The following PDCD11 variants were observed in gnomAD, a reference collection of about 807,000 sequenced individuals.
PDCD11 encodes protein RRP5 homolog.
PDCD11 carries 97 observed loss-of-function variants against 198.9 expected under a neutral mutation model. The observed-to-expected ratio is 0.49, with a 90% CI of 0.41 to 0.58. The LOEUF is 0.58. Among genes scored for constraint, PDCD11 ranks in the 20% least tolerant of loss-of-function variants. The pLI is 0.00. For synonymous variants in PDCD11, 893 were observed against 918.0 expected, an observed-to-expected ratio of 0.97 and a Z score of 0.49; for missense variants, 2,102 against 2,312.7, an observed-to-expected ratio of 0.91 and a Z score of 1.87.
intron 22 of PDCD11, among the ~76,000 whole-genome samples, chr10:103,433,705 C>T (rs776231090): frequency 7.9e-5 from 12 of 152,298 alleles, no homozygotes; most frequent in Non-Finnish European, 1.3e-4. Flanking sequence ...CTTTTGCCTC[C>T]TGGTCAGCTG....
At chr10:103,417,057 A>G (rs1389803603) in intron 13 of PDCD11, among the ~76,000 whole-genome samples, 1 of 152,214 alleles carries the variant, frequency 6.6e-6, no homozygotes, top group Admixed American at 6.5e-5. Flanking sequence ...CAGTGCTGTA[A>G]AACTAGTAAG....
At chr10:103,437,816 A>G (rs983151960) in intron 25 of PDCD11, among the ~76,000 whole-genome samples, 199 bp from the exon 26 acceptor site, 5 of 152,172 alleles carry the variant, frequency 3.3e-5, no homozygotes, top group African/African-American at 1.2e-4. Flanking sequence ...TTAATAGACT[A>G]GTAAACTGAA....
chr10:103,401,399 A>T (rs2030042322), intron 3 of PDCD11, among the ~76,000 whole-genome samples: 3 of 151,876 alleles, frequency 2.0e-5, no homozygotes, highest in Admixed American at 6.6e-5. Context: ...CAGCCTCCTG[A>T]GTAGCTGGGA....
intron 19 of PDCD11, among the ~76,000 whole-genome samples, chr10:103,424,017 C>T (rs75041068): frequency 8.7e-4 from 132 of 152,222 alleles, no homozygotes; most frequent in African/African-American, 2.7e-3. Flanking sequence ...CAATTGTTGC[C>T]GGGTGGGAAT....
chr10:103,398,855 C>G (rs751781458), intron 2 of PDCD11, among the ~76,000 whole-genome samples: 15 of 152,176 alleles, frequency 9.9e-5, no homozygotes, highest in Middle Eastern at 3.4e-3. Context: ...CCCGTCTATA[C>G]TAATACCAAA....
chr10:103,425,110 C>G lies in PDCD11; in HGVS notation c.2890C>G (p.Arg964Gly). 6.2e-7 allele frequency: 1 copy of G among 1,614,202 alleles called. No homozygotes were observed. The highest frequency in any genetic ancestry group is 8.5e-7 in the Non-Finnish European group (1 of 1,180,040). The change falls in exon 20 of 36, where the codon CGC becomes GGC. Residue 964 changes from arginine to glycine, a missense_variant. Transcript: ENST00000369797. ...SLTSHLNDTF[R>G]FDSEKLQVGQ... ...GACCTCTCACCTCAACGACACCTTCCGCTTTGACTCAGAGAAATTGCAGGT... is the reference window on the plus strand; with the variant it reads ...GACCTCTCACCTCAACGACACCTTCGGCTTTGACTCAGAGAAATTGCAGGT...
intron 25 of PDCD11, among the ~76,000 whole-genome samples, chr10:103,436,576 C>T (rs1040269056): frequency 1.3e-5 from 2 of 152,196 alleles, no homozygotes; most frequent in Admixed American, 6.5e-5. Flanking sequence ...CTCAACCACT[C>T]ACAACCACTG....
At chr10:103,435,437 G>GT (rs1033396123) in intron 25 of PDCD11, among the ~76,000 whole-genome samples, 47 of 150,550 alleles carry the variant, frequency 3.1e-4, no homozygotes, top group African/African-American at 1.0e-3. Context: ...TGGGTTTTTT[G>GT]TTTTTTTTTA....
intron 10 of PDCD11, 49 bp from the exon 11 acceptor site, chr10:103,414,221 G>A (rs2030973219): frequency 6.3e-7 from 1 of 1,589,444 alleles, no homozygotes; most frequent in South Asian, 1.1e-5. Flanking sequence ...TGAATTTTAG[G>A]CAACCTCTGC....
intron 21 of PDCD11, among the ~76,000 whole-genome samples, chr10:103,430,261 G>A (rs2031872724): frequency 6.6e-6 from 1 of 152,210 alleles, no homozygotes; most frequent in African/African-American, 2.4e-5. Flanking sequence ...CCAAAGTGCT[G>A]AGATTATAGG....
intron 3 of PDCD11, 149 bp from the exon 4 acceptor site, chr10:103,402,969 C>T (rs2030204935): frequency 8.5e-6 from 6 of 708,364 alleles, no homozygotes; most frequent in Non-Finnish European, 1.4e-5. Flanking sequence ...AGTCCTCCTG[C>T]CTTGGCCACC....
chr10:103,441,925 C>G lies in PDCD11; in HGVS notation c.4657C>G (p.Leu1553Val), dbSNP rs780865153. 1 of 1,614,258 alleles carries G rather than the reference C, an allele frequency of 6.2e-7. No homozygotes were observed. Among genetic ancestry groups the G allele is most frequent in the East Asian group, 2.2e-5 (1 of 44,886 alleles). The change falls in exon 31 of 36, where the codon CTA (leucine) becomes GTA (valine). Residue 1553 changes from leucine (L) to valine (V), a missense_variant. Leu to Val is a conservative substitution (Grantham distance 32, BLOSUM62 1). Transcript: ENST00000369797. Reference protein sequence around the residue: ...LDSLTPALPPLAESSDSEEDE... With the variant: ...LDSLTPALPPVAESSDSEEDE... ...CTCTCTGACCCCGGCCTTGCCACCT[C>G]TAGCAGAGAGCTCAGACAGCGAGGA...
Position 103,442,365 on chromosome 10 carries a change from T to C in PDCD11, c.4860T>C (p.Ile1620=), listed in dbSNP as rs2032422799. The change falls in exon 32 of 36, where the codon ATT becomes ATC. Residue 1620 remains isoleucine, a synonymous_variant. Transcript: ENST00000369797. The part of the protein sequence containing the change: ...RLVLSSPNSS[I]LWLQYMAFHL... ...TGCTGAGCTCCCCCAACAGCTCCATTCTGTGGCTGCAGTACATGGCTTTCC... is the reference window on the plus strand; with the variant it reads ...TGCTGAGCTCCCCCAACAGCTCCATCCTGTGGCTGCAGTACATGGCTTTCC... 2 of 1,614,214 alleles carry C rather than the reference T, an allele frequency of 1.2e-6. No homozygotes were observed. The highest frequency in any genetic ancestry group is 1.3e-5 in the African/African-American group (1 of 75,044).
intron 30 of PDCD11, among the ~76,000 whole-genome samples, chr10:103,441,548 C>A (rs906347771): frequency 2.0e-5 from 3 of 152,204 alleles, no homozygotes; most frequent in Admixed American, 2.0e-4. Flanking sequence ...AGCCACCACA[C>A]CTGGCTTCTA....
chr10:103,409,634 C>A, intron 7 of PDCD11, 65 bp from the exon 8 acceptor site: 2 of 1,046,898 alleles, frequency 1.9e-6, no homozygotes, highest in Non-Finnish European at 1.5e-6. Flanking sequence ...TTACTGTGAG[C>A]AATGTCTCAC....
chr10:103,416,396 G>T (rs1564763564), intron 12 of PDCD11, 95 bp from the exon 13 acceptor site: 6 of 1,281,516 alleles, frequency 4.7e-6, no homozygotes, highest in Non-Finnish European at 6.6e-6. Context: ...TTGGGGAATG[G>T]CCCCGTGGCT....
chr10:103,417,398 C>T (rs2031170072), intron 13 of PDCD11, among the ~76,000 whole-genome samples: 1 of 152,150 alleles, frequency 6.6e-6, no homozygotes, highest in Non-Finnish European at 1.5e-5. Flanking sequence ...TCTCGAACTC[C>T]CTGGCTTCAA....
chr10:103,404,981 A>G, intron 4 of PDCD11, 41 bp from the exon 5 acceptor site: 1 of 1,594,156 alleles, frequency 6.3e-7, no homozygotes, highest in South Asian at 1.1e-5. Context: ...TTGGTTCAGG[A>G]GAAGGGTGTA....
rs1201322752 is a variant in PDCD11 at position 103,444,586 on chromosome 10, T to C, written c.5348T>C (p.Ile1783Thr). Residue 1783 changes from isoleucine (I) to threonine (T), a missense_variant, in exon 35 of 36, where the codon ATT (isoleucine) becomes ACT (threonine). Coordinates refer to ENST00000369797, the MANE Select transcript of PDCD11 (RefSeq NM_014976.2). ...QLGDAERAKA[I>T]FENTLSTYPK... ...GGGGATGCAGAGCGGGCCAAAGCCA[T>C]TTTTGAGAACACGCTGAGCACCTAC... 6 of 1,614,044 alleles carry C rather than the reference T, an allele frequency of 3.7e-6. No homozygotes were observed. Among genetic ancestry groups the C allele is most frequent in the Non-Finnish European group, 3.4e-6 (4 of 1,180,018 alleles).
Sources: allele counts gnomAD v4.1 joint callset (sites outside exome capture counted in the v4.1 genomes callset), GRCh38; gene constraint gnomAD v4.1.1; transcripts MANE v1.5; gene names NCBI Gene and HGNC (gene_info 2026-07-23, HGNC 2026-07-21).